The following GLCE variants were observed in gnomAD, a reference collection of about 807,000 sequenced individuals.
GLCE encodes the protein D-glucuronyl C5-epimerase.
In GLCE, 19 loss-of-function variants were observed where a neutral mutation model predicts 47.9. That is an observed-to-expected ratio of 0.40 (90% confidence interval 0.28 to 0.58). The LOEUF (loss-of-function observed/expected upper bound fraction) is 0.58. Among genes scored for constraint, GLCE ranks in the 20% least tolerant of loss-of-function variants. The pLI is 0.48. For synonymous variants in GLCE, 245 were observed against 263.4 expected (o/e 0.93, Z 0.68); for missense variants, 556 against 743.3 (o/e 0.75, Z 2.93).
chr15:69,193,560 G>T (rs1207325719), intron 1 of GLCE, among the ~76,000 whole-genome samples: 1 of 151,940 alleles, frequency 6.6e-6, no homozygotes, highest in African/African-American at 2.4e-5. Flanking sequence ...ATTTTGCTCA[G>T]ATTTTGTTTC....
At chr15:69,205,035 G>A (rs2052131175) in intron 1 of GLCE, among the ~76,000 whole-genome samples, 2 of 152,018 alleles carry the variant, frequency 1.3e-5, no homozygotes, top group South Asian at 4.2e-4. Flanking sequence ...CAGTAAAACT[G>A]ACTTTTCCTA....
intron 2 of GLCE, among the ~76,000 whole-genome samples, chr15:69,229,605 T>G (rs925432804): frequency 2.6e-5 from 4 of 152,166 alleles, no homozygotes; most frequent in Non-Finnish European, 1.5e-5. Context: ...TGTTATGGAA[T>G]TTTTCACATA....
chr15:69,181,056 G>GA (rs982669197), intron 1 of GLCE, among the ~76,000 whole-genome samples: 3 of 152,070 alleles, frequency 2.0e-5, no homozygotes, highest in African/African-American at 7.2e-5. Context: ...AGCAGGGAGA[G>GA]AAAAAAGAGG....
At chr15:69,240,232 C>CTAGTAACTGATATATAAGAAATATT (rs1566965608) in intron 2 of GLCE, among the ~76,000 whole-genome samples, 1 of 17,920 alleles carries the variant, frequency 5.6e-5, no homozygotes, top group African/African-American at 1.0e-4. Flanking sequence ...ATCAAACCGC[C>CTAGTAACTGATATATAAGAAATATT]GAGATCCCGC....
chr15:69,242,274 GC>G (rs1018610290), intron 2 of GLCE, among the ~76,000 whole-genome samples: 9 of 151,766 alleles, frequency 5.9e-5, no homozygotes, highest in African/African-American at 2.2e-4. Context: ...TAAACTACCT[GC>G]CACACTACTT....
chr15:69,255,769 A>ATTTTTTTT, intron 2 of GLCE, 25 bp from the exon 3 acceptor site: 1 of 1,379,840 alleles, frequency 7.2e-7, no homozygotes, highest in African/African-American at 1.4e-5. Context: ...TCTTTGCATG[A>ATTTTTTTT]TTTTTTTTCT....
intron 2 of GLCE, among the ~76,000 whole-genome samples, chr15:69,234,274 C>A (rs1466976041): frequency 6.6e-6 from 1 of 152,050 alleles, no homozygotes. Context: ...CCATTGCTCC[C>A]GGCCAGAAGA....
chr15:69,185,640 G>GT (rs960336755), intron 1 of GLCE, among the ~76,000 whole-genome samples: 8 of 151,792 alleles, frequency 5.3e-5, no homozygotes, highest in African/African-American at 9.7e-5. Context: ...CTCAAACCGT[G>GT]TTTTTTTCTA....
At position 69,248,465 on chromosome 15, in the gene GLCE, C is replaced by T. The variant is rs560136651; in HGVS notation, c.-13-7329C>T. 1.7e-4 allele frequency among the ~76,000 whole-genome samples: 26 copies of T among 152,244 alleles called. No homozygotes were observed. The South Asian group carries it at 2.1e-3, about 12-fold the overall frequency. On this transcript the variant is annotated intron_variant, in intron 2 of 4. Transcript: ENST00000261858. ...AATATTGGAAAGAAAACAAAGTTGT[C>T]TGGTTCAAATGTCTGTTTTTTATCT...
chr15:69,235,499 A>G (rs1415946832), intron 2 of GLCE, among the ~76,000 whole-genome samples: 1 of 152,160 alleles, frequency 6.6e-6, no homozygotes, highest in Non-Finnish European at 1.5e-5. Flanking sequence ...ACTGTGTGGT[A>G]GGCACTAAAT....
intron 2 of GLCE, among the ~76,000 whole-genome samples, chr15:69,240,635 G>A (rs889364919): frequency 2.6e-5 from 4 of 151,932 alleles, no homozygotes; most frequent in East Asian, 1.9e-4. Flanking sequence ...TGCAATATCC[G>A]AATAAGAAAC....
At chr15:69,189,322 G>GT (rs1337510077) in intron 1 of GLCE, among the ~76,000 whole-genome samples, 1 of 152,082 alleles carries the variant, frequency 6.6e-6, no homozygotes, top group Non-Finnish European at 1.5e-5. Flanking sequence ...CTTTCACGTA[G>GT]TAATATATAC....
chr15:69,178,490 C>A (rs964889310), intron 1 of GLCE, among the ~76,000 whole-genome samples: 1 of 152,044 alleles, frequency 6.6e-6, no homozygotes, highest in Non-Finnish European at 1.5e-5. Flanking sequence ...TATCATCTAC[C>A]TCAAGGGACT....
intron 1 of GLCE, among the ~76,000 whole-genome samples, chr15:69,191,818 G>T (rs1401797280): frequency 1.2e-4 from 19 of 152,060 alleles, no homozygotes; most frequent in Non-Finnish European, 1.2e-4. Flanking sequence ...TCTAAGGATA[G>T]CACTCCTGAG....
At chr15:69,198,437 G>A (rs2052028857) in intron 1 of GLCE, among the ~76,000 whole-genome samples, 1 of 152,116 alleles carries the variant, frequency 6.6e-6, no homozygotes, top group South Asian at 2.1e-4. Flanking sequence ...GAACCAATGT[G>A]TTGACAGGGC....
At chr15:69,239,961 G>A (rs1169963508) in intron 2 of GLCE, among the ~76,000 whole-genome samples, 3 of 152,132 alleles carry the variant, frequency 2.0e-5, no homozygotes, top group Non-Finnish European at 4.4e-5. Flanking sequence ...AATCATCAGT[G>A]ATTGCTAAAA....
At chr15:69,234,221 G>T (rs909975110) in intron 2 of GLCE, among the ~76,000 whole-genome samples, 1 of 151,842 alleles carries the variant, frequency 6.6e-6, no homozygotes, top group Non-Finnish European at 1.5e-5. Flanking sequence ...CAGGTAATCC[G>T]CCCGCCTCAG....
intron 1 of GLCE, among the ~76,000 whole-genome samples, chr15:69,162,054 T>C (rs1201725807): frequency 6.6e-6 from 1 of 152,222 alleles, no homozygotes. Context: ...CTTTCTGTCC[T>C]TTGAAAAGCA....
intron 4 of GLCE, among the ~76,000 whole-genome samples, chr15:69,264,988 T>G (rs192673929): frequency 4.6e-5 from 7 of 152,312 alleles, no homozygotes; most frequent in Middle Eastern, 3.4e-3. Context: ...TAGGTTGCTT[T>G]TCATTTTGTT....
Sources: gnomAD v4.1 joint callset for allele counts (sites outside exome capture counted in the v4.1 genomes callset) on GRCh38, gnomAD v4.1.1 for gene constraint, MANE v1.5 for transcripts, NCBI Gene and HGNC (gene_info 2026-07-23, HGNC 2026-07-21) for gene names.